The following CCDC85C variants were observed in gnomAD, a reference collection of about 807,000 sequenced individuals.
CCDC85C encodes the protein coiled-coil domain containing 85C.
A neutral mutation model predicts 38.3 loss-of-function variants in CCDC85C; 18 were observed. The observed-to-expected ratio is 0.47, with a 90% confidence interval of 0.33 to 0.70. CCDC85C has a LOEUF of 0.70. Among genes scored for constraint, CCDC85C ranks in the 30% least tolerant of loss-of-function variants. The pLI, the probability that CCDC85C is intolerant of heterozygous loss-of-function variation, is 0.03. For synonymous variants in CCDC85C, 264 were observed against 293.8 expected, an observed-to-expected ratio of 0.90 and a Z score of 1.04; for missense variants, 566 against 621.2, an observed-to-expected ratio of 0.91 and a Z score of 0.94.
intron 1 of CCDC85C, among the ~76,000 whole-genome samples, chr14:99,575,284 A>C (rs1898449822): frequency 6.6e-6 from 1 of 152,182 alleles, no homozygotes; most frequent in African/African-American, 2.4e-5. Context: ...CAAGGCCCTC[A>C]GGAACCTGGG....
rs1311486080 is a variant in CCDC85C, at chr14:99,507,190, C to T, written c.*8056G>A. On this transcript the variant is annotated 3_prime_UTR_variant, in exon 6 of 6. Transcript: ENST00000380243. ...CAGCTTGGCCAGCTGTGCACATCGCCTCTGAATGTTGGACGCAGCAGGTCC... is the reference window on the plus strand; with the variant it reads ...CAGCTTGGCCAGCTGTGCACATCGCTTCTGAATGTTGGACGCAGCAGGTCC... 1.7e-6 allele frequency: 2 copies of T among 1,191,660 alleles called. No individual in the cohort carries two copies. Among genetic ancestry groups the T allele is most frequent in the East Asian group, 2.3e-5 (1 of 43,038 alleles). The allele number at this position is 1,191,660 out of a possible 1,614,324, so 73.8% of individuals were successfully genotyped here. A position where few individuals can be genotyped will look rare whatever the true frequency, so the allele number is the denominator to read the frequency against.
chr14:99,519,566 G>C (rs1365177791), intron 3 of CCDC85C, among the ~76,000 whole-genome samples: 3 of 152,162 alleles, frequency 2.0e-5, no homozygotes, highest in African/African-American at 7.2e-5. Flanking sequence ...GTGTGCACCA[G>C]AGAGAACTGA....
At chr14:99,532,090 G>C (rs1002296164) in intron 2 of CCDC85C, among the ~76,000 whole-genome samples, 2 of 152,326 alleles carry the variant, frequency 1.3e-5, no homozygotes, top group East Asian at 1.9e-4. Context: ...TGGCCACTCA[G>C]ACCCTGCAGC....
At chr14:99,551,635 G>C (rs1466420400) in intron 1 of CCDC85C, among the ~76,000 whole-genome samples, 1 of 150,016 alleles carries the variant, frequency 6.7e-6, no homozygotes, top group Non-Finnish European at 1.5e-5. Flanking sequence ...TGTGCAGGTG[G>C]GTGAGAGGTG....
At chr14:99,536,918 A>T (rs1231300831) in intron 1 of CCDC85C, among the ~76,000 whole-genome samples, 1 of 152,188 alleles carries the variant, frequency 6.6e-6, no homozygotes, top group African/African-American at 2.4e-5. Context: ...GCTGGGAGTC[A>T]GCTCAGCTGC....
At chr14:99,527,057 C>T (rs1021046192) in intron 2 of CCDC85C, among the ~76,000 whole-genome samples, 9 of 152,186 alleles carry the variant, frequency 5.9e-5, no homozygotes, top group South Asian at 2.1e-4. Flanking sequence ...GGCTGTGCAG[C>T]GTAGCACAGA....
At position 99,572,828 on chromosome 14, in the gene CCDC85C, G is replaced by C; in HGVS notation, c.793+30339C>G. ...GGAAGTATCCCAGGAGCATGGAAAC[G>C]GGGCCTGGTGTGCAACAGGTGCTCA... On this transcript the variant is annotated intron_variant, in intron 1 of 5. Coordinates refer to ENST00000380243, the MANE Select transcript of CCDC85C (RefSeq NM_001144995.2). The surrounding 1 kb of genome is among the most constrained non-coding windows in gnomAD (Gnocchi z 4.4). 1 of 456,122 alleles carries C rather than the reference G, an allele frequency of 2.2e-6. No individual in the cohort carries two copies. The highest frequency in any genetic ancestry group is 4.4e-6 in the Non-Finnish European group (1 of 226,806). The allele number at this position is 456,122 out of a possible 1,614,324, so 28.3% of individuals were successfully genotyped here.
At chr14:99,529,071 A>G (rs894299956) in intron 2 of CCDC85C, among the ~76,000 whole-genome samples, 3 of 152,356 alleles carry the variant, frequency 2.0e-5, no homozygotes, top group Admixed American at 1.3e-4. Context: ...GTCCAGAGAC[A>G]TATTCCCAAT....
intron 1 of CCDC85C, among the ~76,000 whole-genome samples, chr14:99,546,576 TA>T (rs1376955120): frequency 6.6e-6 from 1 of 152,004 alleles, no homozygotes; most frequent in East Asian, 1.9e-4. Flanking sequence ...AAAACAAGAA[TA>T]AATCCTCACC....
Position 99,505,329 on chromosome 14 carries a change from C to T in CCDC85C, c.*9917G>A, listed in dbSNP as rs1029751060. On this transcript the variant is annotated 3_prime_UTR_variant, in exon 6 of 6. Transcript: ENST00000380243. ...GGAACTCAGCTGCACTGTGCCATGC[C>T]GAAGGCTACTGGCTGCAGAGGGCTG... 3.3e-5 allele frequency: 5 copies of T among 152,136 alleles called. No homozygotes were observed. Among genetic ancestry groups the T allele is most frequent in the African/African-American group, 4.8e-5 (2 of 41,404 alleles). The allele number at this position is 152,136 out of a possible 1,614,324, so 9.4% of individuals were successfully genotyped here.
At chr14:99,532,301 C>A (rs968975000) in intron 2 of CCDC85C, among the ~76,000 whole-genome samples, 1 of 152,176 alleles carries the variant, frequency 6.6e-6, no homozygotes, top group Non-Finnish European at 1.5e-5. Flanking sequence ...ATCTTCCTGG[C>A]GCCTCCCTGA....
At position 99,510,908 on chromosome 14, in the gene CCDC85C, ACCGGGC is replaced by A; in HGVS notation, c.*4332_*4337del. On this transcript the variant is annotated 3_prime_UTR_variant, in exon 6 of 6. Transcript: ENST00000380243. ...GACAGTTGCAGTATGGGAAGAATGG[ACCGGGC>A]CCCTGGGATAAAATCAGAGTGGTCC... 1 of 832,684 alleles carries A rather than the reference ACCGGGC, an allele frequency of 1.2e-6. No homozygotes were observed. Among genetic ancestry groups the A allele is most frequent in the East Asian group, 3.3e-5 (1 of 30,008 alleles). 51.6% of individuals were successfully genotyped at this position (832,684 alleles called of 1,614,324 possible). A position where few individuals can be genotyped will look rare whatever the true frequency, so the allele number is the denominator to read the frequency against.
intron 1 of CCDC85C, among the ~76,000 whole-genome samples, chr14:99,536,476 A>G (rs1897602974): frequency 6.6e-6 from 1 of 152,106 alleles, no homozygotes; most frequent in Non-Finnish European, 1.5e-5. Flanking sequence ...GCAGGCTCAA[A>G]TGGAGCTCTC....
At position 99,545,073 on chromosome 14, in the gene CCDC85C, C is replaced by A. The variant is rs144765999; in HGVS notation, c.794-8985G>T. ...TAGAGAAGAGGAAAACGAACGGCTG[C>A]CCTAATGAGAATGAAATCTCCTGGT... On this transcript the variant is annotated intron_variant, in intron 1 of 5. Coordinates refer to ENST00000380243, the MANE Select transcript of CCDC85C (RefSeq NM_001144995.2). The surrounding 1 kb of genome is among the most constrained non-coding windows in gnomAD (Gnocchi z 4.7). Among the ~76,000 whole-genome samples, 152 of 152,310 alleles carry A rather than the reference C, an allele frequency of 1.0e-3. No homozygotes were observed. The highest frequency in any genetic ancestry group is 3.3e-3 in the African/African-American group (139 of 41,570).
In CCDC85C at chr14:99,516,133, GC is replaced by G; in HGVS notation, c.1170+54del. The stretch of plus-strand genomic sequence containing the variant: ...GGGAAGGGTATGGCCATGCTGGGTG[GC>G]CCTGGTCGCACTCCCAGTGCCAAGC... On this transcript the variant is annotated intron_variant, in intron 5 of 5. Coordinates refer to ENST00000380243, the MANE Select transcript of CCDC85C (RefSeq NM_001144995.2). The surrounding 1 kb of genome is among the most constrained non-coding windows in gnomAD (Gnocchi z 5.5). The G allele has an allele frequency of 7.5e-7, 1 of 1,339,194 alleles. No individual in the cohort carries two copies. The allele number at this position is 1,339,194 out of a possible 1,614,324, so 83.0% of individuals were successfully genotyped here.
At position 99,503,435 on chromosome 14, in the gene CCDC85C, AATG is replaced by A. The variant is rs1312039647; in HGVS notation, c.*11808_*11810del. ...TAAATGGAAAGAGGAAGGGAGCAGAAATGATGATCTGGTAGGTGCCGTGGTTTG... is the reference window on the plus strand; with the variant it reads ...TAAATGGAAAGAGGAAGGGAGCAGAAATGATCTGGTAGGTGCCGTGGTTTG... On this transcript the variant is annotated 3_prime_UTR_variant, in exon 6 of 6. Transcript: ENST00000380243. 8.1e-6 allele frequency: 5 copies of A among 613,524 alleles called. No homozygotes were observed. The African/African-American group carries it at 9.2e-5, about 11-fold the overall frequency. 38.0% of individuals were successfully genotyped at this position (613,524 alleles called of 1,614,324 possible). A position where few individuals can be genotyped will look rare whatever the true frequency, so the allele number is the denominator to read the frequency against.
At chr14:99,595,115 G>C (rs530685324) in intron 1 of CCDC85C, among the ~76,000 whole-genome samples, 1 of 152,186 alleles carries the variant, frequency 6.6e-6, no homozygotes, top group African/African-American at 2.4e-5. Flanking sequence ...GACCCCACCG[G>C]CCCTGGCCTT....
intron 3 of CCDC85C, among the ~76,000 whole-genome samples, chr14:99,521,891 G>C (rs80195382): frequency 0.041 from 6,293 of 152,332 alleles, 405 homozygotes; most frequent in African/African-American, 0.14. Flanking sequence ...AGAGGGACAG[G>C]GGCTAGGCAC....
Position 99,572,449 on chromosome 14 carries a change from G to C in CCDC85C, c.793+30718C>G, listed in dbSNP as rs1898371151. On this transcript the variant is annotated intron_variant, in intron 1 of 5. Coordinates refer to ENST00000380243, the MANE Select transcript of CCDC85C (RefSeq NM_001144995.2). This position sits in a 1 kb window ranked among gnomAD's most constrained non-coding sequence, Gnocchi z 4.4. ...AAGGCCCTGCTCCACAGGGAAGCCAGAGGGCCTCACAAGTATAAATGATCA... is the reference window on the plus strand; with the variant it reads ...AAGGCCCTGCTCCACAGGGAAGCCACAGGGCCTCACAAGTATAAATGATCA... Among the ~76,000 whole-genome samples the C allele has an allele frequency of 6.7e-6, 1 of 149,852 alleles. No homozygotes were observed. The highest frequency in any genetic ancestry group is 1.5e-5 in the Non-Finnish European group (1 of 67,642).
Sources: allele counts gnomAD v4.1 joint callset (sites outside exome capture counted in the v4.1 genomes callset), GRCh38; gene constraint gnomAD v4.1.1; non-coding constraint Gnocchi (gnomAD v3.1); transcripts MANE v1.5; gene names NCBI Gene and HGNC (gene_info 2026-07-23, HGNC 2026-07-21).